CDC25C: variants seen among roughly 807,000 people sequenced by gnomAD.
CDC25C encodes the protein M-phase inducer phosphatase 3.
CDC25C carries 48 observed loss-of-function variants against 52.5 expected under a neutral mutation model. The observed-to-expected ratio is 0.91, with a 90% CI of 0.72 to 1.16. The LOEUF (loss-of-function observed/expected upper bound fraction) is 1.16. CDC25C is among the 50% of genes most tolerant of loss of function. CDC25C has a pLI of 0.00. For synonymous variants in CDC25C, 187 were observed against 206.5 expected, an observed-to-expected ratio of 0.91 and a Z score of 0.81; for missense variants, 510 against 566.1, an observed-to-expected ratio of 0.90 and a Z score of 1.01.
intron 8 of CDC25C, among the ~76,000 whole-genome samples, chr5:138,291,415 T>C (rs1756696601): frequency 6.6e-6 from 1 of 151,842 alleles, no homozygotes. Context: ...ATGACAACAT[T>C]TCTCTTTTTT....
At chr5:138,302,559 C>T (rs1425505811) in intron 7 of CDC25C, among the ~76,000 whole-genome samples, 8 of 151,560 alleles carry the variant, frequency 5.3e-5, no homozygotes, top group Non-Finnish European at 1.0e-4. Flanking sequence ...ATTAGCAAGG[C>T]GTGGTGGCAC....
At chr5:138,294,993 T>C (rs1470407989) in intron 7 of CDC25C, among the ~76,000 whole-genome samples, 1 of 152,202 alleles carries the variant, frequency 6.6e-6, no homozygotes, top group Non-Finnish European at 1.5e-5. Context: ...TTTGGAGCTA[T>C]GATCCATTTT....
At chr5:138,294,966 T>C (rs1757062435) in intron 7 of CDC25C, among the ~76,000 whole-genome samples, 1 of 152,210 alleles carries the variant, frequency 6.6e-6, no homozygotes, top group African/African-American at 2.4e-5. Context: ...AGATGCTTTA[T>C]GGTTTAAGGT....
chr5:138,291,265 A>G (rs1756687942), intron 8 of CDC25C, among the ~76,000 whole-genome samples: 2 of 152,030 alleles, frequency 1.3e-5, no homozygotes, highest in Admixed American at 1.3e-4. Context: ...TAAGTTTTTC[A>G]GAAGTTGCTT....
Position 138,287,287 on chromosome 5 carries a change from G to A in CDC25C, c.928-20C>T, listed in dbSNP as rs774677035. 6.4e-7 allele frequency: 1 copy of A among 1,563,248 alleles called. No individual in the cohort carries two copies. The highest frequency in any genetic ancestry group is 1.1e-5 in the South Asian group (1 of 89,882). On this transcript the variant is annotated intron_variant, in intron 10 of 13. Coordinates refer to ENST00000323760, the MANE Select transcript of CDC25C (RefSeq NM_001790.5). ...AGCCACCTGGACAGAAACAATGACT[G>A]AATATTCTGCTCACTGCCACTCTGA...
intron 6 of CDC25C, among the ~76,000 whole-genome samples, chr5:138,324,550 G>C (rs1427948620): frequency 1.3e-5 from 2 of 151,980 alleles, no homozygotes; most frequent in African/African-American, 4.8e-5. Flanking sequence ...ACGAGGTCAG[G>C]AGATCAAGAC....
At chr5:138,300,170 T>TAACAA (rs1311904701) in intron 7 of CDC25C, among the ~76,000 whole-genome samples, 1 of 151,966 alleles carries the variant, frequency 6.6e-6, no homozygotes, top group Non-Finnish European at 1.5e-5. Flanking sequence ...CAACTCCAAT[T>TAACAA]AACAAAACAA....
In CDC25C at chr5:138,285,554, G is replaced by A; in HGVS notation, c.*138C>T. On this transcript the variant is annotated 3_prime_UTR_variant, in exon 14 of 14. Transcript: ENST00000323760. Reference sequence around the variant, plus strand: ...GAAACCTAATCCATTCCCAGGCCTGGATACAAGTTGGTAGCCTGTTGGTTT... The same window carrying A: ...GAAACCTAATCCATTCCCAGGCCTGAATACAAGTTGGTAGCCTGTTGGTTT... The A allele has an allele frequency of 1.3e-6, 1 of 794,132 alleles. No individual in the cohort carries two copies. Among genetic ancestry groups the A allele is most frequent in the Non-Finnish European group, 2.1e-6 (1 of 483,828 alleles). 49.2% of individuals were successfully genotyped at this position (794,132 alleles called of 1,614,324 possible). A position where few individuals can be genotyped will look rare whatever the true frequency, so the allele number is the denominator to read the frequency against.
chr5:138,297,665 G>A (rs1388772040), intron 7 of CDC25C, among the ~76,000 whole-genome samples: 1 of 152,140 alleles, frequency 6.6e-6, no homozygotes, highest in East Asian at 1.9e-4. Flanking sequence ...ATTCACATTT[G>A]GAAGCTTGAT....
intron 10 of CDC25C, 71 bp downstream of exon 10, chr5:138,289,430 G>C (rs1401820228): frequency 4.7e-6 from 5 of 1,056,322 alleles, no homozygotes; most frequent in Non-Finnish European, 7.4e-6. Context: ...AATGGAAATG[G>C]GCATTTTAGG....
intron 7 of CDC25C, among the ~76,000 whole-genome samples, chr5:138,308,942 A>G (rs766950223): frequency 1.1e-4 from 16 of 152,080 alleles, no homozygotes; most frequent in Non-Finnish European, 2.1e-4. Context: ...CAACAGTCAT[A>G]TTTCAGGGTG....
chr5:138,319,480 T>A (rs1329573786), intron 6 of CDC25C, 106 bp from the exon 7 acceptor site: 9 of 805,972 alleles, frequency 1.1e-5, no homozygotes, highest in African/African-American at 7.1e-5. Flanking sequence ...AGGGAAAAAA[T>A]TCATGACACT....
rs765134817 is a variant in CDC25C at position 138,328,520 on chromosome 5, T to G, written c.299A>C (p.Asp100Ala). 1.2e-6 allele frequency: 2 copies of G among 1,613,726 alleles called. No homozygotes were observed. The highest frequency in any genetic ancestry group is 1.7e-5 in the Admixed American group (1 of 60,020). The change falls in exon 4 of 14, where the codon GAT becomes GCT. Residue 100 changes from aspartate to alanine, a missense_variant. Transcript: ENST00000323760. ...SADLDETGHLDSSGLQEVHLA... is the reference protein window; with the variant it reads ...SADLDETGHLASSGLQEVHLA... ...ATGCACTTCCTGAAGTCCTGAAGAATCCAGGTGACCTGCAATCAAATATAA... is the reference window on the plus strand; with the variant it reads ...ATGCACTTCCTGAAGTCCTGAAGAAGCCAGGTGACCTGCAATCAAATATAA...
intron 7 of CDC25C, among the ~76,000 whole-genome samples, chr5:138,300,438 C>T (rs190371694): frequency 1.3e-5 from 2 of 152,144 alleles, no homozygotes; most frequent in East Asian, 3.9e-4. Context: ...TGGTGCATGC[C>T]TGTAGTCCCA....
chr5:138,306,902 G>A lies in CDC25C; in HGVS notation c.615+12317C>T, dbSNP rs1211030098. Among the ~76,000 whole-genome samples, 5 of 151,184 alleles carry A rather than the reference G, an allele frequency of 3.3e-5. No homozygotes were observed. In the South Asian group the frequency reaches 6.3e-4, roughly 19 times the overall value. On this transcript the variant is annotated intron_variant, in intron 7 of 13. Transcript: ENST00000323760. ...TCTGTTGCCCATGCTGGAGTGCAGC[G>A]GCACGATCTCAGCTCACTGCAATCT...
upstream of CDC25C, chr5:138,333,344 T>C (rs1420353315): frequency 6.6e-6 from 1 of 152,212 alleles, no homozygotes; most frequent in Non-Finnish European, 1.5e-5. Context: ...ATGCAACTTG[T>C]GTCTGTTGTC....
At chr5:138,330,931 C>T (rs1760321226) in intron 2 of CDC25C, 56 bp downstream of exon 2, 1 of 1,263,928 alleles carries the variant, frequency 7.9e-7, no homozygotes, top group Non-Finnish European at 1.2e-6. Flanking sequence ...AACAAACAAA[C>T]CCAACTGTTT....
At chr5:138,310,849 T>C (rs1580765297) in intron 7 of CDC25C, among the ~76,000 whole-genome samples, 1 of 152,236 alleles carries the variant, frequency 6.6e-6, no homozygotes, top group East Asian at 1.9e-4. Context: ...CAGATAGGGT[T>C]AGTTATCCTT....
intron 7 of CDC25C, among the ~76,000 whole-genome samples, chr5:138,305,937 G>A (rs1398643324): frequency 6.6e-6 from 1 of 152,162 alleles, no homozygotes. Flanking sequence ...TATGGTGGCT[G>A]CATCACAGTA....
Sources: allele counts gnomAD v4.1 joint callset (sites outside exome capture counted in the v4.1 genomes callset), GRCh38; gene constraint gnomAD v4.1.1; transcripts MANE v1.5; gene names NCBI Gene and HGNC (gene_info 2026-07-23, HGNC 2026-07-21).